ABCC4: variants seen among roughly 807,000 people sequenced by gnomAD.
The protein encoded by ABCC4 is ATP binding cassette subfamily C member 4 (PEL blood group), also known as ATP-binding cassette sub-family C member 4.
ABCC4 carries 102 observed loss-of-function variants against 168.5 expected under a neutral mutation model. That is an observed-to-expected ratio of 0.61 (90% CI 0.52 to 0.71). The LOEUF (loss-of-function observed/expected upper bound fraction) is 0.71, where lower values mean the gene tolerates loss of function less well. ABCC4 is among the 30% of genes least tolerant of loss of function. ABCC4 has a pLI of 0.00. For missense variants in ABCC4, 1,402 were observed against 1,605.8 expected (o/e 0.87, Z 2.17); for synonymous variants, 617 against 590.7 (o/e 1.04, Z -0.65).
At chr13:95,224,537 G>C (rs989855420) in intron 4 of ABCC4, among the ~76,000 whole-genome samples, 5 of 152,152 alleles carry the variant, frequency 3.3e-5, no homozygotes, top group Admixed American at 2.0e-4. Context: ...AGGAGTTCAA[G>C]ACCAGCCTGG....
intron 19 of ABCC4, among the ~76,000 whole-genome samples, chr13:95,131,954 T>TAC (rs1045183174): frequency 2.0e-4 from 30 of 152,194 alleles, no homozygotes; most frequent in African/African-American, 6.5e-4. Context: ...TCTACATATA[T>TAC]ACACAACAGA....
intron 30 of ABCC4, 43 bp downstream of exon 30, chr13:95,034,562 C>T (rs1028849077): frequency 6.9e-6 from 11 of 1,598,168 alleles, no homozygotes; most frequent in African/African-American, 4.1e-5. Context: ...CGGAGGGAGC[C>T]GCTGAGACAA....
At chr13:95,200,558 T>C (rs1302456285) in intron 8 of ABCC4, among the ~76,000 whole-genome samples, 3 of 152,046 alleles carry the variant, frequency 2.0e-5, no homozygotes, top group African/African-American at 7.2e-5. Context: ...CAGTCTCTAC[T>C]AAAAATACAA....
At chr13:95,178,238 T>G in intron 11 of ABCC4, 147 bp from the exon 12 acceptor site, 1 of 698,526 alleles carries the variant, frequency 1.4e-6, no homozygotes, top group South Asian at 1.8e-5. Flanking sequence ...ATGGAAATAT[T>G]TCATAGTAAC....
chr13:95,170,999 A>C (rs1176590602), intron 13 of ABCC4, among the ~76,000 whole-genome samples: 1 of 151,886 alleles, frequency 6.6e-6, no homozygotes. Flanking sequence ...ACGACGCGGC[A>C]TTTTTCTTGG....
chr13:95,123,724 A>G (rs1028704549), intron 19 of ABCC4, among the ~76,000 whole-genome samples: 3 of 152,210 alleles, frequency 2.0e-5, no homozygotes, highest in African/African-American at 4.8e-5. Context: ...TGAGCACAGC[A>G]TGTAGAGTGA....
intron 19 of ABCC4, among the ~76,000 whole-genome samples, chr13:95,146,331 A>G (rs2036494513): frequency 6.6e-6 from 1 of 152,166 alleles, no homozygotes; most frequent in Non-Finnish European, 1.5e-5. Flanking sequence ...TGACAAAATA[A>G]TCTGTATACC....
In ABCC4 at chr13:95,049,566, G is replaced by A. The variant is rs1160502460; in HGVS notation, c.3456+3529C>T. ...TGAGGCAGGAGAATCGCTTGGACCC[G>A]GGAGGCGGAGGTTGCAGTGAGCCGA... On this transcript the variant is annotated intron_variant, in intron 27 of 30. Transcript: ENST00000645237. Among the ~76,000 whole-genome samples the A allele has an allele frequency of 5.9e-5, 9 of 151,932 alleles. No homozygotes were observed. The East Asian group carries it at 1.4e-3, about 23-fold the overall frequency.
At chr13:95,065,773 C>G (rs970210818) in intron 25 of ABCC4, among the ~76,000 whole-genome samples, 5 of 152,142 alleles carry the variant, frequency 3.3e-5, no homozygotes, top group African/African-American at 1.2e-4. Flanking sequence ...ATACCAATTT[C>G]TACTCCCACC....
chr13:95,176,102 C>T (rs996302335), intron 13 of ABCC4, among the ~76,000 whole-genome samples: 1 of 151,924 alleles, frequency 6.6e-6, no homozygotes, highest in East Asian at 1.9e-4. Flanking sequence ...TCCAGCCAAG[C>T]CCGGCCCTCA....
At chr13:95,239,381 A>C (rs2039868203) in intron 3 of ABCC4, among the ~76,000 whole-genome samples, 1 of 152,210 alleles carries the variant, frequency 6.6e-6, no homozygotes. Context: ...GGAAATACCC[A>C]CATAAATTCA....
chr13:95,180,325 G>A (rs762360830), intron 11 of ABCC4, among the ~76,000 whole-genome samples: 12 of 151,994 alleles, frequency 7.9e-5, no homozygotes, highest in Admixed American at 4.6e-4. Flanking sequence ...AGGCCGACAC[G>A]GGTGGATCAC....
chr13:95,125,664 G>A (rs962349492), intron 19 of ABCC4, among the ~76,000 whole-genome samples: 5 of 152,172 alleles, frequency 3.3e-5, no homozygotes, highest in African/African-American at 1.2e-4. Context: ...GGGCAAAGCC[G>A]AATCACTCAT....
chr13:95,186,544 C>G (rs943862381), intron 11 of ABCC4, among the ~76,000 whole-genome samples, 157 bp downstream of exon 11: 3 of 152,012 alleles, frequency 2.0e-5, no homozygotes, highest in Admixed American at 6.6e-5. Flanking sequence ...AAGGACAGAG[C>G]GTGTGTGTGT....
At chr13:95,171,942 T>C (rs1053649822) in intron 13 of ABCC4, among the ~76,000 whole-genome samples, 6 of 152,214 alleles carry the variant, frequency 3.9e-5, no homozygotes, top group Non-Finnish European at 8.8e-5. Context: ...AATGAAACTG[T>C]TTCCCTTTAT....
chr13:95,209,319 A>G (rs1407836901), intron 6 of ABCC4, 115 bp downstream of exon 6: 7 of 1,231,768 alleles, frequency 5.7e-6, no homozygotes, highest in Non-Finnish European at 7.9e-6. Context: ...GAGCTGCAAC[A>G]TATGCAAGGA....
intron 22 of ABCC4, 73 bp downstream of exon 22, chr13:95,075,359 T>C: frequency 2.5e-6 from 4 of 1,598,126 alleles, no homozygotes; most frequent in Non-Finnish European, 3.4e-6. Context: ...AACAAGCTCA[T>C]CTGACCAGGG....
intron 30 of ABCC4, among the ~76,000 whole-genome samples, chr13:95,033,928 T>G (rs1345528294): frequency 6.6e-6 from 1 of 152,204 alleles, no homozygotes; most frequent in African/African-American, 2.4e-5. Flanking sequence ...CCCAAAGTGC[T>G]GGGATTACAG....
chr13:95,281,508 G>A (rs1427153228), intron 1 of ABCC4, among the ~76,000 whole-genome samples: 1 of 152,068 alleles, frequency 6.6e-6, no homozygotes, highest in Non-Finnish European at 1.5e-5. Context: ...CAGACTGCTT[G>A]TCTGTAGTAA....
Sources: allele counts gnomAD v4.1 joint callset (sites outside exome capture counted in the v4.1 genomes callset), GRCh38; gene constraint gnomAD v4.1.1; transcripts MANE v1.5; gene names NCBI Gene and HGNC (gene_info 2026-07-23, HGNC 2026-07-21).